The following SP3 variants were observed in gnomAD, a reference collection of about 807,000 sequenced individuals.
The protein encoded by SP3 is Sp3 transcription factor.
In SP3, 10 loss-of-function variants were observed where a neutral mutation model predicts 70.3. That is an observed-to-expected ratio of 0.14 (90% CI 0.09 to 0.24). The LOEUF (loss-of-function observed/expected upper bound fraction) is 0.24. Among genes scored for constraint, SP3 ranks in the 10% least tolerant of loss-of-function variants. SP3 has a pLI of 1.00. For synonymous variants in SP3, 402 were observed against 333.5 expected (o/e 1.21, Z -2.24); for missense variants, 825 against 914.6 (o/e 0.90, Z 1.26).
chr2:173,948,890 T>C (rs1330743949), intron 4 of SP3, among the ~76,000 whole-genome samples: 1 of 152,106 alleles, frequency 6.6e-6, no homozygotes, highest in Non-Finnish European at 1.5e-5. Context: ...ATGCAATACA[T>C]ACATGATTCA....
chr2:173,904,598 T>C lies in SP3; in HGVS notation c.*5343A>G, dbSNP rs970189637. 1.3e-5 allele frequency among the ~76,000 whole-genome samples: 2 copies of C among 152,214 alleles called. No individual in the cohort carries two copies. Among genetic ancestry groups the C allele is most frequent in the Admixed American group, 1.3e-4 (2 of 15,278 alleles). On this transcript the variant is annotated 3_prime_UTR_variant, in exon 7 of 7. Transcript: ENST00000310015. Reference sequence around the variant, plus strand: ...TCATCTTTGCTTTCTCTGCCTCCCATGTATGTTCCAGATGTGACCTCCCAA... The same window carrying C: ...TCATCTTTGCTTTCTCTGCCTCCCACGTATGTTCCAGATGTGACCTCCCAA...
intron 4 of SP3, among the ~76,000 whole-genome samples, chr2:173,947,935 T>C (rs1283321861): frequency 1.3e-5 from 2 of 152,168 alleles, no homozygotes; most frequent in African/African-American, 2.4e-5. Flanking sequence ...TTGGTTCAGA[T>C]GTGGTGGTCG....
intron 4 of SP3, among the ~76,000 whole-genome samples, chr2:173,941,818 A>G (rs1253810570): frequency 1.3e-5 from 2 of 152,048 alleles, no homozygotes; most frequent in South Asian, 2.1e-4. Flanking sequence ...CTGAATTTCT[A>G]TTTGGTTATT....
intron 3 of SP3, among the ~76,000 whole-genome samples, chr2:173,962,056 T>C (rs1050889362): frequency 1.3e-5 from 2 of 151,844 alleles, no homozygotes; most frequent in Admixed American, 1.3e-4. Flanking sequence ...TTCGTCTTCA[T>C]GTGGCAGAAT....
intron 4 of SP3, among the ~76,000 whole-genome samples, chr2:173,941,723 T>C (rs1690377957): frequency 6.6e-6 from 1 of 152,256 alleles, no homozygotes; most frequent in Non-Finnish European, 1.5e-5. Flanking sequence ...GCTCTTCCTC[T>C]ACTTCTCACC....
chr2:173,915,609 C>G (rs1026708989), intron 5 of SP3: 2 of 152,098 alleles, frequency 1.3e-5, no homozygotes, highest in Non-Finnish European at 2.9e-5. Context: ...TAAATACACT[C>G]TCTTCTGCTC....
At chr2:173,929,396 C>A (rs1188660463) in intron 4 of SP3, among the ~76,000 whole-genome samples, 2 of 152,186 alleles carry the variant, frequency 1.3e-5, no homozygotes, top group Non-Finnish European at 2.9e-5. Flanking sequence ...GATCAAAGGA[C>A]AGGATCTGCG....
intron 5 of SP3, chr2:173,916,971 T>A (rs562473363): frequency 6.6e-6 from 1 of 151,972 alleles, no homozygotes; most frequent in African/African-American, 2.4e-5. Flanking sequence ...AGAACAGACA[T>A]ATAAAACAGT....
At position 173,905,043 on chromosome 2, in the gene SP3, G is replaced by T. The variant is rs1266567105; in HGVS notation, c.*4898C>A. 1.3e-5 allele frequency among the ~76,000 whole-genome samples: 2 copies of T among 152,140 alleles called. No homozygotes were observed. Among genetic ancestry groups the T allele is most frequent in the Non-Finnish European group, 2.9e-5 (2 of 68,026 alleles). ...ATTTCCTCAAGAAAATACACATTTAGGTGCTTCAGTCTTTTCTTCTTATTC... is the reference window on the plus strand; with the variant it reads ...ATTTCCTCAAGAAAATACACATTTATGTGCTTCAGTCTTTTCTTCTTATTC... On this transcript the variant is annotated 3_prime_UTR_variant, in exon 7 of 7. Coordinates refer to ENST00000310015, the MANE Select transcript of SP3 (RefSeq NM_003111.5).
chr2:173,906,401 T>C lies in SP3; in HGVS notation c.*3540A>G, dbSNP rs2105448408. ...ATCAAATTTGTACCAAAGATATCAA[T>C]TAATTTGTTTTGTGCTTATTGTCAG... On this transcript the variant is annotated 3_prime_UTR_variant, in exon 7 of 7. Coordinates refer to ENST00000310015, the MANE Select transcript of SP3 (RefSeq NM_003111.5). 1 of 152,342 alleles carries C rather than the reference T, an allele frequency of 6.6e-6. No individual in the cohort carries two copies. Among genetic ancestry groups the C allele is most frequent in the East Asian group, 1.9e-4 (1 of 5,186 alleles). 9.4% of individuals were successfully genotyped at this position (152,342 alleles called of 1,614,324 possible). A position where few individuals can be genotyped will look rare whatever the true frequency, so the allele number is the denominator to read the frequency against.
At chr2:173,958,058 A>C (rs1044042206) in intron 3 of SP3, among the ~76,000 whole-genome samples, 6 of 152,102 alleles carry the variant, frequency 3.9e-5, no homozygotes, top group Admixed American at 3.9e-4. Flanking sequence ...ATCTACACTA[A>C]AGTGTGTCTA....
intron 5 of SP3, chr2:173,915,169 T>C (rs1437065388): frequency 6.6e-6 from 1 of 152,158 alleles, no homozygotes; most frequent in Non-Finnish European, 1.5e-5. Flanking sequence ...CTAGGGAAGG[T>C]ATTTTTAACT....
intron 4 of SP3, among the ~76,000 whole-genome samples, chr2:173,954,457 T>C (rs1202721056): frequency 6.6e-6 from 1 of 152,142 alleles, no homozygotes; most frequent in Non-Finnish European, 1.5e-5. Flanking sequence ...CTGAGGCATA[T>C]TTACTCCCTG....
intron 4 of SP3, among the ~76,000 whole-genome samples, chr2:173,933,722 G>GT (rs1354015899): frequency 3.5e-5 from 5 of 140,972 alleles, no homozygotes; most frequent in Non-Finnish European, 7.6e-5. Context: ...CTTTCAAACC[G>GT]TTTTCAATAA....
intron 4 of SP3, among the ~76,000 whole-genome samples, chr2:173,937,888 C>T (rs886337701): frequency 3.3e-5 from 5 of 152,076 alleles, no homozygotes; most frequent in Admixed American, 1.3e-4. Context: ...TTATGTACTG[C>T]TCAAAGATAA....
chr2:173,955,912 T>C lies in SP3; in HGVS notation c.600A>G (p.Glu200=). 1 of 1,614,194 alleles carries C rather than the reference T, an allele frequency of 6.2e-7. No homozygotes were observed. Among genetic ancestry groups the C allele is most frequent in the Non-Finnish European group, 8.5e-7 (1 of 1,180,022 alleles). The change falls in exon 4 of 7, where the codon GAA becomes GAG. Residue 200 remains glutamate (E), a synonymous_variant. Transcript: ENST00000310015. ...CAGGAATGATCTGAATTTGACTGCT[T>C]TCTTGATTTATACCCCCATTATCTG... ...GSSDNGGINQ[E]SSQIQIIPGS...
rs1689245086 is a variant in SP3 at position 173,904,009 on chromosome 2, A to G, written c.*5932T>C. Reference sequence around the variant, plus strand: ...CATGGATGGGGGTCGGGGGGTGGGGATGGTTGTAGGATGAAACTGCTCTAC... The same window carrying G: ...CATGGATGGGGGTCGGGGGGTGGGGGTGGTTGTAGGATGAAACTGCTCTAC... On this transcript the variant is annotated 3_prime_UTR_variant, in exon 7 of 7. Transcript: ENST00000310015. 6.9e-6 allele frequency among the ~76,000 whole-genome samples: 1 copy of G among 145,396 alleles called. No homozygotes were observed. The highest frequency in any genetic ancestry group is 1.5e-5 in the Non-Finnish European group (1 of 65,766).
chr2:173,954,479 C>T (rs1690815981), intron 4 of SP3, among the ~76,000 whole-genome samples: 3 of 152,186 alleles, frequency 2.0e-5, no homozygotes, highest in Admixed American at 2.0e-4. Context: ...ACCATGTTTT[C>T]ACTATACCAA....
chr2:173,965,386 A>T, upstream of SP3: 1 of 568,690 alleles, frequency 1.8e-6, no homozygotes, highest in Non-Finnish European at 3.1e-6. Flanking sequence ...CCCGCCCGGA[A>T]CTCCCGCCCC....
Sources: allele counts gnomAD v4.1 joint callset (sites outside exome capture counted in the v4.1 genomes callset), GRCh38; gene constraint gnomAD v4.1.1; transcripts MANE v1.5; gene names NCBI Gene and HGNC (gene_info 2026-07-23, HGNC 2026-07-21).